PDILT: variants seen among roughly 807,000 people sequenced by gnomAD.
PDILT encodes the protein protein disulfide isomerase like, testis expressed, also known as protein disulfide-isomerase-like protein of the testis.
A neutral mutation model predicts 53.7 loss-of-function variants in PDILT; 43 were observed. That is an observed-to-expected ratio of 0.80 (90% CI 0.63 to 1.03). The LOEUF (loss-of-function observed/expected upper bound fraction) is 1.03, where lower values mean the gene tolerates loss of function less well. Among genes scored for constraint, PDILT ranks in the 50% least tolerant of loss-of-function variants. PDILT has a pLI of 0.00. For missense variants in PDILT, 727 were observed against 712.3 expected, an observed-to-expected ratio of 1.02 and a Z score of -0.24; for synonymous variants, 282 against 274.2, an observed-to-expected ratio of 1.03 and a Z score of -0.28.
chr16:20,400,568 T>C (rs7198626), intron 1 of PDILT, among the ~76,000 whole-genome samples: 124,159 of 151,798 alleles, frequency 0.82, 52,733 homozygotes, highest in Non-Finnish European at 0.94. Flanking sequence ...GATACCTACA[T>C]GTTTCAAAAG....
chr16:20,382,681 A>G (rs917781313), intron 3 of PDILT, among the ~76,000 whole-genome samples: 1 of 152,212 alleles, frequency 6.6e-6, no homozygotes, highest in African/African-American at 2.4e-5. Flanking sequence ...TGCTACAGGT[A>G]TGTGTCAGGC....
chr16:20,367,038 TC>T (rs1966213390), intron 8 of PDILT, among the ~76,000 whole-genome samples: 1 of 30,396 alleles, frequency 3.3e-5, no homozygotes, highest in Non-Finnish European at 7.9e-5. Context: ...TTTCTTTCTT[TC>T]TTTCTTTCTT....
At chr16:20,373,861 C>T (rs369704650) in intron 5 of PDILT, among the ~76,000 whole-genome samples, 2 of 152,212 alleles carry the variant, frequency 1.3e-5, no homozygotes, top group South Asian at 2.1e-4. Flanking sequence ...GCTTGGGAGG[C>T]TGCCTGATTC....
At chr16:20,387,946 C>T (rs1015303185) in intron 2 of PDILT, among the ~76,000 whole-genome samples, 1 of 152,052 alleles carries the variant, frequency 6.6e-6, no homozygotes, top group African/African-American at 2.4e-5. Flanking sequence ...GCAGGTAGAC[C>T]AGTCGGAGGC....
intron 9 of PDILT, among the ~76,000 whole-genome samples, chr16:20,363,441 T>C (rs1966136850): frequency 6.7e-6 from 1 of 150,300 alleles, no homozygotes; most frequent in South Asian, 2.1e-4. Flanking sequence ...TTAATGTTCT[T>C]CCAAAAAGTG....
At chr16:20,402,318 A>ACTTTTCTTTTC (rs1197006751) in intron 1 of PDILT, among the ~76,000 whole-genome samples, 1 of 66,540 alleles carries the variant, frequency 1.5e-5, no homozygotes, top group Non-Finnish European at 2.9e-5. Flanking sequence ...TTTTCTTTTG[A>ACTTTTCTTTTC]GACAGGGTCT....
chr16:20,384,687 G>T lies in PDILT; in HGVS notation c.367C>A (p.Leu123Met). 1 of 1,614,194 alleles carries T rather than the reference G, an allele frequency of 6.2e-7. No homozygotes were observed. Among genetic ancestry groups the T allele is most frequent in the Non-Finnish European group, 8.5e-7 (1 of 1,180,030 alleles). Residue 123 changes from leucine to methionine, a missense_variant, in exon 3 of 12, where the codon CTG becomes ATG. Leu to Met is a conservative substitution (Grantham distance 15). Transcript: ENST00000302451. ...TCTGACCTGTTGCCCTCAAAAAACAGCTTCAACTCCGGGGCCTTGGTAATC... is the reference window on the plus strand; with the variant it reads ...TCTGACCTGTTGCCCTCAAAAAACATCTTCAACTCCGGGGCCTTGGTAATC... The part of the protein sequence containing the change: ...FGITKAPELK[L>M]FFEGNRSEPI...
In PDILT at chr16:20,373,015, A is replaced by C; in HGVS notation, c.789T>G (p.Thr263=). 6.2e-7 allele frequency: 1 copy of C among 1,613,852 alleles called. No individual in the cohort carries two copies. The highest frequency in any genetic ancestry group is 8.5e-7 in the Non-Finnish European group (1 of 1,179,830). The change falls in exon 6 of 12, where the codon ACT becomes ACG. Residue 263 remains threonine (T), a synonymous_variant. Transcript: ENST00000302451. The part of the protein sequence containing the change: ...HLTDFVIEYN[T]ENKDLISELH... ...CGGGGACCATTTACTCACTGACCTCAGTGTTGTATTCGATCACAAAATCTG... is the reference window on the plus strand; with the variant it reads ...CGGGGACCATTTACTCACTGACCTCCGTGTTGTATTCGATCACAAAATCTG...
intron 3 of PDILT, among the ~76,000 whole-genome samples, chr16:20,379,019 AT>A (rs35577097): frequency 0.15 from 21,942 of 146,788 alleles, 2,006 homozygotes; most frequent in African/African-American, 0.26. Context: ...ATTTTAGGGC[AT>A]TTTTTTTTTT....
intron 1 of PDILT, among the ~76,000 whole-genome samples, chr16:20,400,334 T>TCTC (rs1966721833): frequency 6.6e-6 from 1 of 151,554 alleles, no homozygotes; most frequent in African/African-American, 2.4e-5. Flanking sequence ...CTCAGCCTCC[T>TCTC]AAAGTGCTGG....
Position 20,367,029 on chromosome 16 carries a change from T to TTCTTTCTTTCTTTTCTC in PDILT, c.1117-1490_1117-1489insGAGAAAAGAAAGAAAGA, listed in dbSNP as rs1567320645. ...ATTTATTTCTCTCTCTCTTTCTTCT[T>TTCTTTCTTTCTTTTCTC]TCTTTCTTTCTTTCTTTCTTTCTTT... is the stretch of plus-strand genomic sequence containing the variant. On this transcript the variant is annotated intron_variant, in intron 8 of 11. Coordinates refer to ENST00000302451, the MANE Select transcript of PDILT (RefSeq NM_174924.2). Among the ~76,000 whole-genome samples, 22 of 4,626 alleles carry TTCTTTCTTTCTTTTCTC rather than the reference T, an allele frequency of 4.8e-3. 1 individual carries two copies. The highest frequency in any genetic ancestry group is 0.015 in the African/African-American group (20 of 1,346). 3.0% of individuals were successfully genotyped at this position (4,626 alleles called of 152,430 possible). A position where few individuals can be genotyped will look rare whatever the true frequency, so the allele number is the denominator to read the frequency against.
chr16:20,394,997 C>G (rs28622969), intron 2 of PDILT, among the ~76,000 whole-genome samples: 17,597 of 152,062 alleles, frequency 0.12, 1,146 homozygotes, highest in African/African-American at 0.17. Flanking sequence ...GATAACTAGT[C>G]AAAATTAGAG....
rs901661207 is a variant in PDILT at position 20,359,187 on chromosome 16, C to T, written c.*132G>A. 3.5e-6 allele frequency: 5 copies of T among 1,418,220 alleles called. No homozygotes were observed. The African/African-American group carries it at 4.3e-5, about 12-fold the overall frequency. 87.9% of individuals were successfully genotyped at this position (1,418,220 alleles called of 1,614,324 possible). ...AAACAGAGCCAAGGACACTCAGAGG[C>T]TTTATTATCCACCCCTACCCCCGCC... On this transcript the variant is annotated 3_prime_UTR_variant, in exon 12 of 12. Coordinates refer to ENST00000302451, the MANE Select transcript of PDILT (RefSeq NM_174924.2).
chr16:20,360,511 G>T, intron 11 of PDILT, 57 bp downstream of exon 11: 1 of 1,437,200 alleles, frequency 7.0e-7, no homozygotes, highest in Non-Finnish European at 9.8e-7. Context: ...TGTCCATTAA[G>T]TTCCTAGGGA....
At chr16:20,401,638 T>C (rs572860472) in intron 1 of PDILT, among the ~76,000 whole-genome samples, 1 of 152,294 alleles carries the variant, frequency 6.6e-6, no homozygotes, top group East Asian at 1.9e-4. Context: ...TGAGACCATC[T>C]CTGAGGGGTG....
chr16:20,375,950 G>A (rs1966379415), intron 4 of PDILT, 118 bp downstream of exon 4: 3 of 1,315,740 alleles, frequency 2.3e-6, no homozygotes, highest in Non-Finnish European at 3.1e-6. Context: ...CTAAAAACCA[G>A]ATCATTGGAT....
At chr16:20,366,092 A>G (rs1370285359) in intron 8 of PDILT, among the ~76,000 whole-genome samples, 42 of 102,730 alleles carry the variant, frequency 4.1e-4, no homozygotes, top group Non-Finnish European at 6.6e-4. Context: ...TTCGTCTCCA[A>G]AAAAAAAAAA....
At chr16:20,391,151 GTCA>G (rs557541497) in intron 2 of PDILT, 348 of 156,092 alleles carry the variant, frequency 2.2e-3, no homozygotes, top group Non-Finnish European at 3.9e-3. Context: ...CATCGCCATT[GTCA>G]TCATCATCAC....
At chr16:20,381,085 T>A (rs1369774898) in intron 3 of PDILT, among the ~76,000 whole-genome samples, 1 of 152,198 alleles carries the variant, frequency 6.6e-6, no homozygotes, top group Non-Finnish European at 1.5e-5. Flanking sequence ...GGCTGCATCA[T>A]TAATAGAGGC....
Sources: allele counts gnomAD v4.1 joint callset (sites outside exome capture counted in the v4.1 genomes callset), GRCh38; gene constraint gnomAD v4.1.1; transcripts MANE v1.5; gene names NCBI Gene and HGNC (gene_info 2026-07-23, HGNC 2026-07-21).